Variants in FEZ1 observed in about 807,000 individuals in gnomAD.
The protein encoded by FEZ1 is fasciculation and elongation protein zeta 1.
A neutral mutation model predicts 49.3 loss-of-function variants in FEZ1; 20 were observed. The ratio of observed to expected loss-of-function variants is 0.41; its 90% CI spans 0.29 to 0.59. The LOEUF (loss-of-function observed/expected upper bound fraction) is 0.59. FEZ1 is among the 20% of genes least tolerant of loss of function. The pLI, the probability that FEZ1 is intolerant of heterozygous loss-of-function variation, is 0.36. For synonymous variants in FEZ1, 170 were observed against 180.9 expected (o/e 0.94, Z 0.48); for missense variants, 413 against 476.0 (o/e 0.87, Z 1.23).
At chr11:125,452,627 AT>A (rs1377490526) in intron 7 of FEZ1, 21 of 531,348 alleles carry the variant, frequency 4.0e-5, no homozygotes, top group Non-Finnish European at 7.0e-5. Context: ...CAACTTCTAG[AT>A]TCTTCCTACA....
chr11:125,452,549 A>G (rs1444111014), intron 7 of FEZ1, 140 bp from the exon 8 acceptor site: 4 of 610,676 alleles, frequency 6.6e-6, no homozygotes, highest in African/African-American at 3.7e-5. Context: ...TCACTGTTTC[A>G]GAACTTCTTA....
chr11:125,460,058 T>C (rs1957059019), intron 5 of FEZ1, among the ~76,000 whole-genome samples: 1 of 151,756 alleles, frequency 6.6e-6, no homozygotes, highest in South Asian at 2.1e-4. Context: ...ACCATGCCGC[T>C]ACACTCCAGC....
chr11:125,462,403 G>A (rs1019442318), intron 4 of FEZ1, among the ~76,000 whole-genome samples: 6 of 152,096 alleles, frequency 3.9e-5, no homozygotes, highest in Non-Finnish European at 8.8e-5. Context: ...GACTCCTTTC[G>A]GAAGGCCCAA....
intron 1 of FEZ1, among the ~76,000 whole-genome samples, chr11:125,493,547 A>AAGG (rs1555043781): frequency 2.2e-5 from 3 of 134,690 alleles, no homozygotes; most frequent in East Asian, 4.9e-4. Context: ...AGAAAGAAAG[A>AAGG]AAGAAAGGTG....
At chr11:125,446,170 C>T (rs1055324953) in intron 9 of FEZ1, 59 bp from the exon 10 acceptor site, 52 of 1,574,442 alleles carry the variant, frequency 3.3e-5, no homozygotes, top group Middle Eastern at 3.3e-4. Context: ...TGGGGACCTC[C>T]GAGCCCTGGA....
intron 1 of FEZ1, among the ~76,000 whole-genome samples, chr11:125,493,582 A>G (rs188721474): frequency 5.6e-4 from 85 of 152,316 alleles, no homozygotes; most frequent in African/African-American, 2.0e-3. Flanking sequence ...CAAGTAAAAG[A>G]AAAATTATCC....
intron 3 of FEZ1, among the ~76,000 whole-genome samples, chr11:125,478,941 C>T (rs601034): frequency 0.92 from 139,754 of 152,336 alleles, 64,148 homozygotes; most frequent in East Asian, 1. Context: ...TGTACCATGA[C>T]GGACCTGATT....
At chr11:125,481,452 G>A (rs1591598737) in intron 3 of FEZ1, 82 bp downstream of exon 3, 1 of 853,406 alleles carries the variant, frequency 1.2e-6, no homozygotes, top group East Asian at 2.4e-5. Flanking sequence ...CAATTTTGAG[G>A]AAGACTGTTG....
At chr11:125,454,816 C>G (rs1161792921) in intron 6 of FEZ1, among the ~76,000 whole-genome samples, 1 of 151,608 alleles carries the variant, frequency 6.6e-6, no homozygotes, top group Non-Finnish European at 1.5e-5. Flanking sequence ...GAGTTTGAGA[C>G]CAGCCTGACC....
chr11:125,477,430 G>A (rs1412778073), intron 3 of FEZ1, among the ~76,000 whole-genome samples: 2 of 152,016 alleles, frequency 1.3e-5, no homozygotes, highest in African/African-American at 2.4e-5. Context: ...GCTTGAACCT[G>A]GGAGGTGGAT....
chr11:125,491,267 C>T (rs932903877), intron 1 of FEZ1, among the ~76,000 whole-genome samples: 7 of 152,190 alleles, frequency 4.6e-5, no homozygotes, highest in African/African-American at 9.7e-5. Flanking sequence ...TACCCCTCAT[C>T]GGGCCATCTT....
At chr11:125,460,765 T>C (rs1005423847) in intron 4 of FEZ1, 99 bp from the exon 5 acceptor site, 30 of 1,002,752 alleles carry the variant, frequency 3.0e-5, no homozygotes, top group Non-Finnish European at 3.5e-5. Context: ...ATTAGCTATC[T>C]GAAAATTTCT....
At position 125,489,873 on chromosome 11, in the gene FEZ1, A is replaced by G. The variant is rs1957365544; in HGVS notation, c.-45-51T>C. On this transcript the variant is annotated intron_variant, in intron 1 of 9. Coordinates refer to ENST00000278919, the MANE Select transcript of FEZ1 (RefSeq NM_005103.5). This position sits in a 1 kb window ranked among gnomAD's most constrained non-coding sequence, Gnocchi z 4.2. ...GAGTTTAGACCAGGCTAATCTAAAT[A>G]ATAGAGTTAACTTTAGAGACACACC... is the stretch of plus-strand genomic sequence containing the variant. 1.4e-6 allele frequency: 2 copies of G among 1,422,688 alleles called. No homozygotes were observed. The highest frequency in any genetic ancestry group is 9.2e-7 in the Non-Finnish European group (1 of 1,083,492). The allele number at this position is 1,422,688 out of a possible 1,614,324, so 88.1% of individuals were successfully genotyped here. A position where few individuals can be genotyped will look rare whatever the true frequency, so the allele number is the denominator to read the frequency against.
rs1434960120 is a variant in FEZ1 at position 125,481,636 on chromosome 11, G to A, written c.312-3C>T. The A allele has an allele frequency of 1.9e-6, 3 of 1,596,396 alleles. No homozygotes were observed. The highest frequency in any genetic ancestry group is 4.5e-5 in the East Asian group (2 of 44,798). The stretch of plus-strand genomic sequence containing the variant: ...TGTCTGTCAGAGCATCCCAAACCCT[G>A]TAAACAAAGAGAAGCTCTCATTAAC... On this transcript the variant is annotated splice_polypyrimidine_tract_variant and splice_region_variant and intron_variant, in intron 2 of 9. Transcript: ENST00000278919.
In FEZ1 at chr11:125,495,523, G is replaced by C. The variant is rs1565308510; in HGVS notation, c.-46+598C>G. On this transcript the variant is annotated intron_variant, in intron 1 of 9. Coordinates refer to ENST00000278919, the MANE Select transcript of FEZ1 (RefSeq NM_005103.5). The surrounding 1 kb of genome is among the most constrained non-coding windows in gnomAD (Gnocchi z 4.2). ...GTAGTAAAACAATCGCTCTCCCGGC[G>C]TCTGCGGCCGCTGCCAGCGGTTCTG... is the stretch of plus-strand genomic sequence containing the variant. 4.2e-6 allele frequency: 2 copies of C among 471,118 alleles called. No individual in the cohort carries two copies. Among genetic ancestry groups the C allele is most frequent in the Admixed American group, 4.7e-5 (2 of 42,582 alleles). 29.2% of individuals were successfully genotyped at this position (471,118 alleles called of 1,614,324 possible).
chr11:125,492,209 G>A (rs1245780604), intron 1 of FEZ1, among the ~76,000 whole-genome samples: 2 of 152,154 alleles, frequency 1.3e-5, no homozygotes, highest in Non-Finnish European at 2.9e-5. Context: ...CACATTGCAA[G>A]TGCTCAACAG....
rs1285289249 is a variant in FEZ1 at position 125,442,987 on chromosome 11, C to T, written c.*3108G>A. ...CTGACCTCAGGTGATCTGCCCACCT[C>T]GGCCTCCCAAAGTTCTGGGATTACA... On this transcript the variant is annotated 3_prime_UTR_variant, in exon 10 of 10. Coordinates refer to ENST00000278919, the MANE Select transcript of FEZ1 (RefSeq NM_005103.5). 3.9e-5 allele frequency among the ~76,000 whole-genome samples: 6 copies of T among 152,188 alleles called. No individual in the cohort carries two copies. The highest frequency in any genetic ancestry group is 3.4e-3 in the Middle Eastern group (1 of 294).
chr11:125,494,945 C>T (rs2702009), intron 1 of FEZ1, among the ~76,000 whole-genome samples: 104,555 of 151,990 alleles, frequency 0.69, 36,133 homozygotes, highest in Admixed American at 0.76. Context: ...CATAGATCAA[C>T]TGATTCCGTG....
At chr11:125,483,003 A>C (rs1006669938) in intron 2 of FEZ1, among the ~76,000 whole-genome samples, 3 of 130,436 alleles carry the variant, frequency 2.3e-5, no homozygotes, top group Admixed American at 1.6e-4. Flanking sequence ...AAAAAAAAAA[A>C]ACTAAAATAT....
Sources: allele counts gnomAD v4.1 joint callset (sites outside exome capture counted in the v4.1 genomes callset), GRCh38; gene constraint gnomAD v4.1.1; non-coding constraint Gnocchi (gnomAD v3.1); transcripts MANE v1.5; gene names NCBI Gene and HGNC (gene_info 2026-07-23, HGNC 2026-07-21).